Variants in ST6GALNAC5 observed in about 807,000 individuals in gnomAD.
The protein encoded by ST6GALNAC5 is ST6 N-acetylgalactosaminide alpha-2,6-sialyltransferase 5, also known as alpha-N-acetylgalactosaminide alpha-2,6-sialyltransferase 5.
Under a neutral mutation model 33.6 loss-of-function variants are expected in ST6GALNAC5, and 27 were observed. That is an observed-to-expected ratio of 0.80 (90% CI 0.59 to 1.11). The LOEUF (loss-of-function observed/expected upper bound fraction) is 1.11. ST6GALNAC5 is among the 50% of genes least tolerant of loss of function. The pLI, the probability that ST6GALNAC5 is intolerant of heterozygous loss-of-function variation, is 0.00. For synonymous variants in ST6GALNAC5, 194 were observed against 171.2 expected (o/e 1.13, Z -1.04); for missense variants, 428 against 454.0 (o/e 0.94, Z 0.52).
chr1:77,025,652 G>A (rs1651203590), intron 2 of ST6GALNAC5, among the ~76,000 whole-genome samples: 1 of 152,224 alleles, frequency 6.6e-6, no homozygotes, highest in African/African-American at 2.4e-5. Flanking sequence ...GGGGTGACCA[G>A]TTGGGGGTAA....
At chr1:77,030,809 A>C (rs1179015564) in intron 2 of ST6GALNAC5, among the ~76,000 whole-genome samples, 1 of 152,242 alleles carries the variant, frequency 6.6e-6, no homozygotes, top group African/African-American at 2.4e-5. Flanking sequence ...AACTCTTTTA[A>C]GCTATCAATC....
At chr1:76,966,640 T>A (rs905662266) in intron 2 of ST6GALNAC5, among the ~76,000 whole-genome samples, 2 of 152,184 alleles carry the variant, frequency 1.3e-5, no homozygotes, top group Admixed American at 6.5e-5. Context: ...CTATGTTGAA[T>A]AGGAGTGGTG....
In ST6GALNAC5 at chr1:77,063,081, C is replaced by T. The variant is rs778221691; in HGVS notation, c.886C>T (p.Arg296Cys). Residue 296 changes from arginine (R) to cysteine (C), a missense_variant, in exon 5 of 5, where the codon CGC becomes TGC. Transcript: ENST00000477717. ...GCGAGGACGCAAGGGCAGTCATCACCGCTTTATCACAGAGAAACGAGTCTT... is the reference window on the plus strand; with the variant it reads ...GCGAGGACGCAAGGGCAGTCATCACTGCTTTATCACAGAGAAACGAGTCTT... ...HERGRKGSHHRFITEKRVFKN... is the reference protein window; with the variant it reads ...HERGRKGSHHCFITEKRVFKN... The T allele has an allele frequency of 4.3e-6, 7 of 1,613,760 alleles. No homozygotes were observed. The highest frequency in any genetic ancestry group is 5.9e-6 in the Non-Finnish European group (7 of 1,179,916).
chr1:76,976,010 G>A (rs1031023719), intron 2 of ST6GALNAC5, among the ~76,000 whole-genome samples: 1 of 152,136 alleles, frequency 6.6e-6, no homozygotes, highest in Admixed American at 6.5e-5. Context: ...CACAAGAATA[G>A]CTTGAAACCC....
intron 2 of ST6GALNAC5, among the ~76,000 whole-genome samples, chr1:76,983,361 A>AT (rs1187982623): frequency 6.6e-6 from 1 of 152,180 alleles, no homozygotes; most frequent in Non-Finnish European, 1.5e-5. Context: ...AGGGGTTGCA[A>AT]TCCTAGTCTC....
chr1:76,868,585 G>A lies in ST6GALNAC5; in HGVS notation c.104G>A (p.Arg35Gln), dbSNP rs767913475. 5 of 1,611,826 alleles carry A rather than the reference G, an allele frequency of 3.1e-6. No homozygotes were observed. Among genetic ancestry groups the A allele is most frequent in the Admixed American group, 1.7e-5 (1 of 59,966 alleles). The change falls in exon 2 of 5, where the codon CGG (arginine) becomes CAG (glutamine). Residue 35 changes from arginine to glutamine, a missense_variant. By Grantham distance (43) the Arg-to-Gln change is conservative. Transcript: ENST00000477717. The surrounding 1 kb of genome is among the most constrained non-coding windows in gnomAD (Gnocchi z 4.3). ...VYSSLGGQKE[R>Q]PPQQQQQQQQ... ...AGCAGCCTCGGCGGCCAGAAGGAGC[G>A]GCCCCCGCAGCAGCAGCAGCAGCAG...
At chr1:77,028,141 C>G (rs73005304) in intron 2 of ST6GALNAC5, among the ~76,000 whole-genome samples, 1 of 152,216 alleles carries the variant, frequency 6.6e-6, no homozygotes, top group East Asian at 1.9e-4. Flanking sequence ...GCCTCAAATT[C>G]TTTAACCCTT....
intron 2 of ST6GALNAC5, among the ~76,000 whole-genome samples, chr1:76,898,320 C>T (rs989007252): frequency 3.3e-5 from 5 of 152,162 alleles, no homozygotes; most frequent in Admixed American, 3.3e-4. Context: ...GGAGATGTGG[C>T]TGGGGTTTGT....
At chr1:77,055,755 T>G (rs182678959) in intron 4 of ST6GALNAC5, among the ~76,000 whole-genome samples, 3 of 152,186 alleles carry the variant, frequency 2.0e-5, no homozygotes, top group Admixed American at 6.5e-5. Context: ...CACTGATTGG[T>G]TTGTCCATCT....
chr1:76,891,388 A>G (rs1393590041), intron 2 of ST6GALNAC5, among the ~76,000 whole-genome samples: 4 of 152,108 alleles, frequency 2.6e-5, no homozygotes, highest in Non-Finnish European at 5.9e-5. Flanking sequence ...GTCTATTTGT[A>G]TATCTTTCCT....
intron 2 of ST6GALNAC5, among the ~76,000 whole-genome samples, chr1:77,002,167 T>A (rs1039639979): frequency 5.3e-5 from 8 of 151,752 alleles, no homozygotes; most frequent in Admixed American, 3.3e-4. Context: ...ACAATTTCAG[T>A]TCCTGTTATT....
At chr1:76,919,978 G>A (rs1647014379) in intron 2 of ST6GALNAC5, among the ~76,000 whole-genome samples, 1 of 152,154 alleles carries the variant, frequency 6.6e-6, no homozygotes, top group African/African-American at 2.4e-5. Context: ...ATTAAAAAAG[G>A]TAAAAAGCTG....
At chr1:76,915,908 GGAT>G (rs1557721760) in intron 2 of ST6GALNAC5, among the ~76,000 whole-genome samples, 1 of 95,242 alleles carries the variant, frequency 1.0e-5, no homozygotes, top group East Asian at 2.5e-4. Flanking sequence ...AAACTTCCTT[GGAT>G]AATAATAATA....
chr1:76,885,731 C>T (rs1653878003), intron 2 of ST6GALNAC5, among the ~76,000 whole-genome samples: 1 of 152,204 alleles, frequency 6.6e-6, no homozygotes, highest in Non-Finnish European at 1.5e-5. Flanking sequence ...AGCTTAAAAA[C>T]CCCTTTCTTT....
chr1:77,032,208 G>A (rs922467316), intron 2 of ST6GALNAC5, among the ~76,000 whole-genome samples: 4 of 152,156 alleles, frequency 2.6e-5, no homozygotes, highest in East Asian at 3.8e-4. Context: ...CTACAAGGTC[G>A]AGCAAAGGCA....
chr1:76,949,093 T>C (rs1370208053), intron 2 of ST6GALNAC5, among the ~76,000 whole-genome samples: 5 of 152,222 alleles, frequency 3.3e-5, no homozygotes, highest in Admixed American at 3.3e-4. Context: ...CACCCTGAGG[T>C]GTGCTGCCAG....
At position 77,063,324 on chromosome 1, in the gene ST6GALNAC5, G is replaced by A; in HGVS notation, c.*118G>A. The A allele has an allele frequency of 1.1e-6, 1 of 897,264 alleles. No individual in the cohort carries two copies. The highest frequency in any genetic ancestry group is 1.7e-6 in the Non-Finnish European group (1 of 580,236). 55.6% of individuals were successfully genotyped at this position (897,264 alleles called of 1,614,324 possible). A position where few individuals can be genotyped will look rare whatever the true frequency, so the allele number is the denominator to read the frequency against. ...AGAAAACAGCTTCACTCCTCAGGAAGTACCATGGACAGACGCCTACCAGGG... is the reference window on the plus strand; with the variant it reads ...AGAAAACAGCTTCACTCCTCAGGAAATACCATGGACAGACGCCTACCAGGG... On this transcript the variant is annotated 3_prime_UTR_variant, in exon 5 of 5. Coordinates refer to ENST00000477717, the MANE Select transcript of ST6GALNAC5 (RefSeq NM_030965.3).
chr1:76,976,011 C>T (rs956793360), intron 2 of ST6GALNAC5, among the ~76,000 whole-genome samples: 2 of 152,116 alleles, frequency 1.3e-5, no homozygotes, highest in African/African-American at 2.4e-5. Context: ...ACAAGAATAG[C>T]TTGAAACCCG....
intron 2 of ST6GALNAC5, among the ~76,000 whole-genome samples, chr1:77,005,351 C>G (rs868375115): frequency 6.6e-6 from 1 of 152,130 alleles, no homozygotes; most frequent in Admixed American, 6.5e-5. Flanking sequence ...CTTCGGCTCG[C>G]GCACGGTGCG....
Sources: gnomAD v4.1 joint callset for allele counts (sites outside exome capture counted in the v4.1 genomes callset) on GRCh38, gnomAD v4.1.1 for gene constraint, Gnocchi (gnomAD v3.1) non-coding constraint, MANE v1.5 for transcripts, NCBI Gene and HGNC (gene_info 2026-07-23, HGNC 2026-07-21) for gene names.